The following KDM4C variants were observed in gnomAD, a reference collection of about 807,000 sequenced individuals.
The protein encoded by KDM4C is lysine demethylase 4C.
Under a neutral mutation model 129.3 loss-of-function variants are expected in KDM4C, and 81 were observed. The ratio of observed to expected loss-of-function variants is 0.63; its 90% confidence interval spans 0.52 to 0.75. The LOEUF (loss-of-function observed/expected upper bound fraction) is 0.75. Among genes scored for constraint, KDM4C ranks in the 30% least tolerant of loss-of-function variants. The probability of loss-of-function intolerance (pLI) is 0.00; values close to 1 mark genes in which losing one functional copy is unlikely to be tolerated. For missense variants in KDM4C, 1,457 were observed against 1,304.0 expected, an observed-to-expected ratio of 1.12 and a Z score of -1.81; for synonymous variants, 573 against 456.1, an observed-to-expected ratio of 1.26 and a Z score of -3.26.
intron 19 of KDM4C, among the ~76,000 whole-genome samples, chr9:7,148,857 T>C (rs1842462569): frequency 6.6e-6 from 1 of 152,164 alleles, no homozygotes; most frequent in Non-Finnish European, 1.5e-5. Context: ...TGCTTGCTGA[T>C]TGGTCCATGG....
At chr9:6,765,459 A>G (rs1472577912) in intron 1 of KDM4C, among the ~76,000 whole-genome samples, 2 of 152,098 alleles carry the variant, frequency 1.3e-5, no homozygotes, top group African/African-American at 4.8e-5. Flanking sequence ...ATTTTTCCCT[A>G]ACACTTAGTG....
At chr9:6,974,447 C>CG (rs1563916152) in intron 8 of KDM4C, among the ~76,000 whole-genome samples, 5 of 152,208 alleles carry the variant, frequency 3.3e-5, no homozygotes, top group African/African-American at 7.2e-5. Flanking sequence ...GCAACCTACG[C>CG]CTCTTGGGTT....
intron 1 of KDM4C, among the ~76,000 whole-genome samples, chr9:6,731,103 G>A (rs927804878): frequency 2.6e-5 from 4 of 151,996 alleles, no homozygotes; most frequent in East Asian, 1.9e-4. Context: ...CACTATCACC[G>A]TCATAAATGT....
chr9:7,102,875 C>G (rs531909928), intron 17 of KDM4C, among the ~76,000 whole-genome samples: 3 of 152,288 alleles, frequency 2.0e-5, no homozygotes, highest in South Asian at 2.1e-4. Flanking sequence ...TCCTAACCCT[C>G]AAGTATTAGT....
intron 12 of KDM4C, among the ~76,000 whole-genome samples, chr9:7,010,152 T>A (rs1822429435): frequency 1.3e-5 from 2 of 152,222 alleles, no homozygotes; most frequent in African/African-American, 4.8e-5. Flanking sequence ...TTTTTAGCCA[T>A]CTCCTTTTGC....
At position 6,768,975 on chromosome 9, in the gene KDM4C, G is replaced by C. The variant is rs148476357; in HGVS notation, c.-18+10772G>C. Among the ~76,000 whole-genome samples, 87 of 152,114 alleles carry C rather than the reference G, an allele frequency of 5.7e-4. No individual in the cohort carries two copies. The East Asian group carries it at 0.012, about 21-fold the overall frequency. Reference sequence around the variant, plus strand: ...TTTAGTAGAGGCGGGGTTTCACCATGTTGGCCAGGCTGGTCTCGAACTCCT... The same window carrying C: ...TTTAGTAGAGGCGGGGTTTCACCATCTTGGCCAGGCTGGTCTCGAACTCCT... On this transcript the variant is annotated intron_variant, in intron 1 of 21. Coordinates refer to ENST00000381309, the MANE Select transcript of KDM4C (RefSeq NM_015061.6).
intron 5 of KDM4C, 97 bp downstream of exon 5, chr9:6,849,797 C>G: frequency 6.2e-6 from 6 of 964,274 alleles, no homozygotes; most frequent in Non-Finnish European, 9.3e-6. Flanking sequence ...TTGGTGGATT[C>G]AGATTTATGT....
At chr9:7,155,479 G>A (rs547121148) in intron 19 of KDM4C, among the ~76,000 whole-genome samples, 11 of 152,014 alleles carry the variant, frequency 7.2e-5, no homozygotes, top group African/African-American at 1.9e-4. Context: ...TTTACATTAC[G>A]TATTTCTCCT....
chr9:6,994,394 A>G (rs1197457882), intron 12 of KDM4C, among the ~76,000 whole-genome samples: 1 of 151,998 alleles, frequency 6.6e-6, no homozygotes, highest in Admixed American at 6.6e-5. Flanking sequence ...GGAATGTTTC[A>G]ATCCCTTGTC....
At chr9:6,818,467 GC>G (rs1236818019) in intron 4 of KDM4C, among the ~76,000 whole-genome samples, 1 of 152,234 alleles carries the variant, frequency 6.6e-6, no homozygotes, top group Non-Finnish European at 1.5e-5. Flanking sequence ...AAAGGTGAGG[GC>G]TCAGAGAGAG....
intron 12 of KDM4C, among the ~76,000 whole-genome samples, chr9:7,005,137 T>G (rs961486346): frequency 1.3e-5 from 2 of 152,078 alleles, no homozygotes; most frequent in Non-Finnish European, 2.9e-5. Context: ...AAGGTTAGCA[T>G]TAAGACCCCA....
At chr9:6,997,228 A>G (rs1819928700) in intron 12 of KDM4C, among the ~76,000 whole-genome samples, 1 of 152,218 alleles carries the variant, frequency 6.6e-6, no homozygotes, top group African/African-American at 2.4e-5. Flanking sequence ...GGGGGAGCCA[A>G]GTTGTGGCCG....
intron 1 of KDM4C, among the ~76,000 whole-genome samples, chr9:6,775,859 G>T (rs1469212901): frequency 1.3e-5 from 2 of 152,108 alleles, no homozygotes; most frequent in African/African-American, 2.4e-5. Flanking sequence ...TGATGTTTTG[G>T]TGCTTGGTAA....
chr9:6,914,497 G>T (rs1819947513), intron 8 of KDM4C, among the ~76,000 whole-genome samples: 1 of 152,184 alleles, frequency 6.6e-6, no homozygotes, highest in Non-Finnish European at 1.5e-5. Flanking sequence ...TTATAATGAG[G>T]GGTGCAGAGG....
chr9:6,771,080 C>CTTTTTTTTTTTTTT (rs35945405), intron 1 of KDM4C, among the ~76,000 whole-genome samples: 2 of 56,970 alleles, frequency 3.5e-5, no homozygotes, highest in African/African-American at 1.5e-4. Flanking sequence ...GACTGTGAAT[C>CTTTTTTTTTTTTTT]TTTTTTTTTT....
chr9:6,873,287 G>C lies in KDM4C; in HGVS notation c.630-6725G>C, dbSNP rs566261710. ...AGGTGTGCTGGGATTACAGGAGTGA[G>C]CTACCATGCCCGTCCCTTTGAAGCT... On this transcript the variant is annotated intron_variant, in intron 5 of 21. Transcript: ENST00000381309. Among the ~76,000 whole-genome samples the C allele has an allele frequency of 3.3e-5, 5 of 152,286 alleles. No homozygotes were observed. The East Asian group carries it at 9.7e-4, about 29-fold the overall frequency.
intron 19 of KDM4C, among the ~76,000 whole-genome samples, chr9:7,149,251 G>T (rs1424627147): frequency 6.6e-6 from 1 of 152,248 alleles, no homozygotes; most frequent in Non-Finnish European, 1.5e-5. Flanking sequence ...CACACGCCCG[G>T]CTGGGTCGCT....
chr9:7,145,775 G>A (rs1842166385), intron 19 of KDM4C, among the ~76,000 whole-genome samples: 2 of 152,228 alleles, frequency 1.3e-5, no homozygotes, highest in African/African-American at 2.4e-5. Flanking sequence ...TGTTTGTGGA[G>A]AGGTCTCAAG....
At chr9:6,907,456 G>A (rs1818516321) in intron 8 of KDM4C, among the ~76,000 whole-genome samples, 4 of 152,112 alleles carry the variant, frequency 2.6e-5, no homozygotes, top group Admixed American at 2.0e-4. Context: ...AGTAGTATCT[G>A]TACATGTAGA....
Sources: gnomAD v4.1 joint callset for allele counts (sites outside exome capture counted in the v4.1 genomes callset) on GRCh38, gnomAD v4.1.1 for gene constraint, MANE v1.5 for transcripts, NCBI Gene and HGNC (gene_info 2026-07-23, HGNC 2026-07-21) for gene names.